The following PPP2R2C variants were observed in gnomAD, a reference collection of about 807,000 sequenced individuals.
PPP2R2C encodes the protein protein phosphatase 2 regulatory subunit Bgamma.
A neutral mutation model predicts 45.3 loss-of-function variants in PPP2R2C; 10 were observed. The observed-to-expected ratio is 0.22, with a 90% CI of 0.14 to 0.37. PPP2R2C has a LOEUF of 0.37. PPP2R2C is among the 10% of genes least tolerant of loss of function. The pLI is 1.00. For missense variants in PPP2R2C, 308 were observed against 619.7 expected (o/e 0.50, Z 5.34); for synonymous variants, 257 against 245.4 (o/e 1.05, Z -0.44).
chr4:6,491,687 C>T (rs914401382), intron 2 of PPP2R2C, among the ~76,000 whole-genome samples: 2 of 152,148 alleles, frequency 1.3e-5, no homozygotes, highest in East Asian at 3.8e-4. Flanking sequence ...CAGACTTCTC[C>T]CTTGCTGTTC....
At chr4:6,424,064 T>A (rs1329820932) in intron 1 of PPP2R2C, among the ~76,000 whole-genome samples, 2 of 152,192 alleles carry the variant, frequency 1.3e-5, no homozygotes, top group African/African-American at 4.8e-5. Flanking sequence ...CGGCAGAAGC[T>A]GCTAAGGATG....
At chr4:6,477,231 C>T (rs4074039), upstream of PPP2R2C, among the ~76,000 whole-genome samples, 214 of 152,280 alleles carry the variant, frequency 1.4e-3, 5 homozygotes, top group East Asian at 0.037. Flanking sequence ...GCCTGGGCCA[C>T]ACAGCAAGAT....
At chr4:6,412,352 C>T (rs539310605) in intron 1 of PPP2R2C, among the ~76,000 whole-genome samples, 2 of 152,240 alleles carry the variant, frequency 1.3e-5, no homozygotes, top group South Asian at 4.2e-4. Context: ...CAAAGTAACC[C>T]CAGGGGAGGA....
intron 6 of PPP2R2C, among the ~76,000 whole-genome samples, chr4:6,340,984 C>A (rs1015733141): frequency 6.6e-6 from 1 of 152,240 alleles, no homozygotes; most frequent in African/African-American, 2.4e-5. Flanking sequence ...TGAGGCTGGT[C>A]TTTCTGCAGC....
chr4:6,429,802 T>C (rs551648194), intron 1 of PPP2R2C, among the ~76,000 whole-genome samples: 246 of 152,278 alleles, frequency 1.6e-3, no homozygotes, highest in Non-Finnish European at 2.7e-3. Flanking sequence ...ATGCCCATCG[T>C]TGCCAGAAAG....
intron 4 of PPP2R2C, among the ~76,000 whole-genome samples, chr4:6,375,244 T>C (rs1715203337): frequency 6.6e-6 from 1 of 152,348 alleles, no homozygotes; most frequent in Admixed American, 6.5e-5. Context: ...TATTTAAACA[T>C]TTATTTCTTC....
intron 1 of PPP2R2C, among the ~76,000 whole-genome samples, chr4:6,410,012 G>A (rs922991583): frequency 5.3e-5 from 8 of 152,182 alleles, no homozygotes; most frequent in Non-Finnish European, 1.0e-4. Context: ...TCATCTGCAT[G>A]ACATGTGTCC....
intron 1 of PPP2R2C, among the ~76,000 whole-genome samples, chr4:6,457,673 C>T (rs192356586): frequency 2.0e-5 from 3 of 152,230 alleles, no homozygotes; most frequent in South Asian, 2.1e-4. Flanking sequence ...AATGCCCAAC[C>T]GGGAAAGTTT....
intron 5 of PPP2R2C, among the ~76,000 whole-genome samples, chr4:6,353,933 GC>G (rs1320542338): frequency 1.5e-4 from 3 of 19,898 alleles, no homozygotes; most frequent in African/African-American, 8.9e-4. Context: ...CACACCGACA[GC>G]CCCCCACACC....
chr4:6,542,862 C>T (rs1304809440), intron 1 of PPP2R2C, among the ~76,000 whole-genome samples: 1 of 152,142 alleles, frequency 6.6e-6, no homozygotes, highest in Non-Finnish European at 1.5e-5. Flanking sequence ...AGTGAAAAAG[C>T]CACAACCTTA....
Position 6,330,243 on chromosome 4 carries a change from G to T in PPP2R2C, c.961-890C>A, listed in dbSNP as rs1162750900. On this transcript the variant is annotated intron_variant, in intron 7 of 8. Coordinates refer to ENST00000382599, the MANE Select transcript of PPP2R2C (RefSeq NM_020416.4). The surrounding 1 kb of genome is among the most constrained non-coding windows in gnomAD (Gnocchi z 7.0). ...GAGCTGCCAGGACAACAGGGCACGG[G>T]CTCTGCCCTCTGGGTGCGGAAGGGA... Among the ~76,000 whole-genome samples, 3 of 152,228 alleles carry T rather than the reference G, an allele frequency of 2.0e-5. No individual in the cohort carries two copies. Among genetic ancestry groups the T allele is most frequent in the African/African-American group, 7.2e-5 (3 of 41,468 alleles).
At chr4:6,348,181 G>T (rs946750770) in intron 5 of PPP2R2C, among the ~76,000 whole-genome samples, 171 bp from the exon 6 acceptor site, 1 of 151,788 alleles carries the variant, frequency 6.6e-6, no homozygotes, top group Non-Finnish European at 1.5e-5. Context: ...GACCTGCATG[G>T]TGAACTGCCT....
At chr4:6,432,387 C>G (rs6446503) in intron 1 of PPP2R2C, among the ~76,000 whole-genome samples, 145,987 of 152,274 alleles carry the variant, frequency 0.96, 70,297 homozygotes, top group East Asian at 1. Context: ...AGGGATGAAA[C>G]AAGTGTTGTA....
chr4:6,511,003 A>AAAAAAC (rs1723427585), intron 2 of PPP2R2C, among the ~76,000 whole-genome samples: 1 of 148,748 alleles, frequency 6.7e-6, no homozygotes, highest in Non-Finnish European at 1.5e-5. Context: ...ACAAACAAAA[A>AAAAAAC]AAAAAACAGA....
At chr4:6,557,851 A>G (rs1725461351) in intron 1 of PPP2R2C, among the ~76,000 whole-genome samples, 1 of 152,128 alleles carries the variant, frequency 6.6e-6, no homozygotes, top group African/African-American at 2.4e-5. Context: ...CCCAGATGAC[A>G]TGGGCGGGCA....
At chr4:6,476,254 C>T (rs1056860450), upstream of PPP2R2C, among the ~76,000 whole-genome samples, 1 of 152,210 alleles carries the variant, frequency 6.6e-6, no homozygotes, top group Admixed American at 6.5e-5. Flanking sequence ...AGCCACCTCT[C>T]GAGGCCTCCC....
chr4:6,443,138 G>A (rs1252693766), intron 1 of PPP2R2C, among the ~76,000 whole-genome samples: 1 of 152,134 alleles, frequency 6.6e-6, no homozygotes, highest in Non-Finnish European at 1.5e-5. Flanking sequence ...ACCTCTGGGA[G>A]AGATGAGGCC....
chr4:6,418,474 G>T (rs547873108), intron 1 of PPP2R2C, among the ~76,000 whole-genome samples: 19 of 152,364 alleles, frequency 1.2e-4, no homozygotes, highest in Non-Finnish European at 2.4e-4. Context: ...CAGCTCGCAC[G>T]CTTAAACATC....
intron 2 of PPP2R2C, among the ~76,000 whole-genome samples, chr4:6,510,774 G>C (rs887723366): frequency 2.0e-5 from 3 of 152,096 alleles, no homozygotes; most frequent in Non-Finnish European, 2.9e-5. Flanking sequence ...TCAGGAGATA[G>C]AGACCATCCT....
Sources: gnomAD v4.1 joint callset for allele counts (sites outside exome capture counted in the v4.1 genomes callset) on GRCh38, gnomAD v4.1.1 for gene constraint, Gnocchi (gnomAD v3.1) non-coding constraint, MANE v1.5 for transcripts, NCBI Gene and HGNC (gene_info 2026-07-23, HGNC 2026-07-21) for gene names.